Variants in POGZ observed in about 807,000 individuals in gnomAD.
The protein encoded by POGZ is pogo transposable element with ZNF domain.
POGZ carries 17 observed loss-of-function variants against 134.6 expected under a neutral mutation model. The ratio of observed to expected loss-of-function variants is 0.13; its 90% CI spans 0.09 to 0.19. The LOEUF (loss-of-function observed/expected upper bound fraction) is 0.19, where lower values mean the gene tolerates loss of function less well. Among genes scored for constraint, POGZ ranks in the 10% least tolerant of loss-of-function variants. The pLI is 1.00. For missense variants in POGZ, 1,306 were observed against 1,769.7 expected (o/e 0.74, Z 4.70); for synonymous variants, 693 against 657.1 (o/e 1.05, Z -0.84).
intron 1 of POGZ, among the ~76,000 whole-genome samples, chr1:151,443,722 A>C (rs1221166249): frequency 4.6e-5 from 7 of 152,212 alleles, no homozygotes. Context: ...CTCAAAAAAA[A>C]TAAAAATAAA....
chr1:151,455,548 T>G (rs1369901775), intron 1 of POGZ, among the ~76,000 whole-genome samples: 1 of 152,232 alleles, frequency 6.6e-6, no homozygotes, highest in Non-Finnish European at 1.5e-5. Flanking sequence ...TTATGTGAAT[T>G]TTATCTTTCC....
At chr1:151,426,525 T>C (rs1657812330) in intron 7 of POGZ, 1 of 152,152 alleles carries the variant, frequency 6.6e-6, no homozygotes. Flanking sequence ...TTTGGGAGTT[T>C]TTTTGTTGTT....
In POGZ at chr1:151,412,363, C is replaced by G; in HGVS notation, c.1712G>C (p.Ser571Thr). 3 of 1,609,458 alleles carry G rather than the reference C, an allele frequency of 1.9e-6. No individual in the cohort carries two copies. The highest frequency in any genetic ancestry group is 2.6e-6 in the Non-Finnish European group (3 of 1,176,168). ...KCKICEWAFE[S>T]EPLFLQHMKD... ...CATATGCTGGAGAAATAGTGGCTCA[C>G]TTTCAAACGCCCATTCACAGATCTT... The change falls in exon 11 of 19, where the codon AGT becomes ACT. Residue 571 changes from serine to threonine, a missense_variant. Physicochemically the swap from Ser to Thr is moderately conservative, Grantham distance 58 (BLOSUM62 1). Coordinates refer to ENST00000271715, the MANE Select transcript of POGZ (RefSeq NM_015100.4).
At chr1:151,419,396 T>C (rs560589534) in intron 10 of POGZ, among the ~76,000 whole-genome samples, 2 of 151,550 alleles carry the variant, frequency 1.3e-5, no homozygotes, top group African/African-American at 4.8e-5. Context: ...ACACCAGTAA[T>C]CACAGCACTT....
chr1:151,416,210 C>CAAAAAAAAA (rs1212371839), intron 10 of POGZ, among the ~76,000 whole-genome samples: 66 of 42,444 alleles, frequency 1.6e-3, no homozygotes, highest in African/African-American at 1.8e-3. Context: ...AACTCCATCT[C>CAAAAAAAAA]AAAAAAAAAA....
At chr1:151,441,471 G>C (rs1171224465) in intron 2 of POGZ, among the ~76,000 whole-genome samples, 1 of 152,106 alleles carries the variant, frequency 6.6e-6, no homozygotes, top group African/African-American at 2.4e-5. Flanking sequence ...CCAAACCAAT[G>C]CCATCTTCAG....
In POGZ at chr1:151,404,189, G is replaced by A. The variant is rs1185489324; in HGVS notation, c.*613C>T. On this transcript the variant is annotated 3_prime_UTR_variant, in exon 19 of 19. Transcript: ENST00000271715. ...CTCTGGAGAGGGAAGGAAAGAAAAG[G>A]AGAAGGAAGAGAGAGTTCAGTGGGA... 1.0e-6 allele frequency: 1 copy of A among 985,722 alleles called. No individual in the cohort carries two copies. The highest frequency in any genetic ancestry group is 1.2e-6 in the Non-Finnish European group (1 of 829,862). The allele number at this position is 985,722 out of a possible 1,614,324, so 61.1% of individuals were successfully genotyped here.
At chr1:151,407,812 C>T (rs1238241282) in intron 15 of POGZ, among the ~76,000 whole-genome samples, 2 of 151,882 alleles carry the variant, frequency 1.3e-5, no homozygotes, top group African/African-American at 4.8e-5. Flanking sequence ...GAGTTTGAGA[C>T]CAGCCTGGCC....
chr1:151,421,998 C>T (rs1657000309), intron 10 of POGZ, among the ~76,000 whole-genome samples: 1 of 152,232 alleles, frequency 6.6e-6, no homozygotes, highest in Non-Finnish European at 1.5e-5. Context: ...ATCCACCCAC[C>T]TAAGCCTCCC....
At chr1:151,439,071 C>A (rs1181171495) in intron 3 of POGZ, 3 of 151,894 alleles carry the variant, frequency 2.0e-5, no homozygotes, top group Non-Finnish European at 4.4e-5. Context: ...TACAACTCCC[C>A]CACTGCTAAA....
intron 1 of POGZ, among the ~76,000 whole-genome samples, chr1:151,458,433 T>G (rs1356024096): frequency 6.6e-6 from 1 of 152,106 alleles, no homozygotes; most frequent in East Asian, 1.9e-4. Context: ...CTAGCTGCAG[T>G]GCACTAAGGC....
At chr1:151,413,337 C>A (rs532126326) in intron 10 of POGZ, among the ~76,000 whole-genome samples, 1 of 151,758 alleles carries the variant, frequency 6.6e-6, no homozygotes, top group African/African-American at 2.4e-5. Context: ...CCAGGCTGGT[C>A]GGAAACTCCT....
chr1:151,430,181 A>G (rs1256137026), intron 4 of POGZ, among the ~76,000 whole-genome samples: 1 of 152,242 alleles, frequency 6.6e-6, no homozygotes, highest in African/African-American at 2.4e-5. Flanking sequence ...AGGCAAAGAG[A>G]AGCATTTGCC....
Position 151,404,654 on chromosome 1 carries a change from T to C in POGZ, c.*148A>G. ...ATTAATCCACAAATCCACAGGGAAG[T>C]GTAAGTCAACTTCAGGGGGGAGTGG... On this transcript the variant is annotated 3_prime_UTR_variant, in exon 19 of 19. Transcript: ENST00000271715. The C allele has an allele frequency of 2.1e-6, 3 of 1,399,088 alleles. No individual in the cohort carries two copies. Among genetic ancestry groups the C allele is most frequent in the Non-Finnish European group, 2.8e-6 (3 of 1,080,604 alleles). The allele number at this position is 1,399,088 out of a possible 1,614,324, so 86.7% of individuals were successfully genotyped here.
At chr1:151,439,517 A>G (rs1330653802) in intron 3 of POGZ, among the ~76,000 whole-genome samples, 1 of 152,194 alleles carries the variant, frequency 6.6e-6, no homozygotes, top group Non-Finnish European at 1.5e-5. Context: ...CAAATTATAA[A>G]CACCTGATCC....
At chr1:151,457,522 G>A (rs894567982) in intron 1 of POGZ, among the ~76,000 whole-genome samples, 6 of 152,208 alleles carry the variant, frequency 3.9e-5, no homozygotes, top group African/African-American at 9.6e-5. Flanking sequence ...CGAATTCAGA[G>A]TTCAAGCTCT....
At chr1:151,407,978 C>G (rs1421663906) in intron 15 of POGZ, 122 bp downstream of exon 15, 3 of 747,558 alleles carry the variant, frequency 4.0e-6, no homozygotes, top group Non-Finnish European at 6.2e-6. Flanking sequence ...TGCTATTGCA[C>G]TCCAGCCTAG....
At chr1:151,449,583 A>G (rs1661755809) in intron 1 of POGZ, among the ~76,000 whole-genome samples, 1 of 152,176 alleles carries the variant, frequency 6.6e-6, no homozygotes, top group African/African-American at 2.4e-5. Context: ...ATAAAGAACT[A>G]TCATTTCTTT....
Position 151,424,156 on chromosome 1 carries a change from G to A in POGZ, c.1316C>T (p.Thr439Ile), listed in dbSNP as rs1657399377. The change falls in exon 9 of 19, where the codon ACA (threonine) becomes ATA (isoleucine). Residue 439 changes from threonine to isoleucine, a missense_variant. Physicochemically the swap from Thr to Ile is moderately conservative, Grantham distance 89. Transcript: ENST00000271715. ...AGGCGGTGACAGAGCAGGAATAGGT[G>A]TAGAAGAGGGTGTGGAAGCAACAGG... ...TAPVASTPSSTPIPALSPPTK... is the reference protein window; with the variant it reads ...TAPVASTPSSIPIPALSPPTK... 6.2e-7 allele frequency: 1 copy of A among 1,614,152 alleles called. No individual in the cohort carries two copies. The highest frequency in any genetic ancestry group is 8.5e-7 in the Non-Finnish European group (1 of 1,179,996).
Sources: allele counts gnomAD v4.1 joint callset (sites outside exome capture counted in the v4.1 genomes callset), GRCh38; gene constraint gnomAD v4.1.1; transcripts MANE v1.5; gene names NCBI Gene and HGNC (gene_info 2026-07-23, HGNC 2026-07-21).